Variants in STXBP5L observed in about 807,000 individuals in gnomAD.
STXBP5L encodes the protein syntaxin binding protein 5L.
In STXBP5L, 65 loss-of-function variants were observed where a neutral mutation model predicts 144.5. The ratio of observed to expected loss-of-function variants is 0.45; its 90% CI spans 0.37 to 0.55. The LOEUF is 0.55. Among genes scored for constraint, STXBP5L ranks in the 20% least tolerant of loss-of-function variants. The pLI, the probability that STXBP5L is intolerant of heterozygous loss-of-function variation, is 0.00. For synonymous variants in STXBP5L, 505 were observed against 469.6 expected, an observed-to-expected ratio of 1.08 and a Z score of -0.97; for missense variants, 1,298 against 1,405.5, an observed-to-expected ratio of 0.92 and a Z score of 1.22.
chr3:121,312,665 A>T (rs896479685), intron 19 of STXBP5L, among the ~76,000 whole-genome samples: 2 of 150,802 alleles, frequency 1.3e-5, no homozygotes, highest in Non-Finnish European at 3.0e-5. Context: ...GATGACTCTT[A>T]ACGAGCATGC....
At position 121,204,116 on chromosome 3, in the gene STXBP5L, G is replaced by A. The variant is rs774617269; in HGVS notation, c.878-1807G>A. 3.3e-5 allele frequency among the ~76,000 whole-genome samples: 5 copies of A among 152,120 alleles called. No homozygotes were observed. In the South Asian group the frequency reaches 6.2e-4, roughly 19 times the overall value. Reference sequence around the variant, plus strand: ...TAGCCGGGCATGGTGGCACACACCTGTAGTTCCAGCTACTCGGGAGGCTGA... The same window carrying A: ...TAGCCGGGCATGGTGGCACACACCTATAGTTCCAGCTACTCGGGAGGCTGA... On this transcript the variant is annotated intron_variant, in intron 9 of 26. Transcript: ENST00000471454.
intron 5 of STXBP5L, among the ~76,000 whole-genome samples, chr3:121,094,038 T>G (rs1434892357): frequency 1.3e-4 from 20 of 152,224 alleles, no homozygotes; most frequent in Admixed American, 1.3e-3. Flanking sequence ...TGCCCAGTAG[T>G]CATTCAGGAG....
chr3:121,388,883 A>G (rs2046498773), intron 22 of STXBP5L, among the ~76,000 whole-genome samples: 1 of 152,194 alleles, frequency 6.6e-6, no homozygotes, highest in Non-Finnish European at 1.5e-5. Context: ...AGGCTTTGGT[A>G]TAAGGATGAT....
intron 5 of STXBP5L, among the ~76,000 whole-genome samples, chr3:121,066,448 A>C (rs1309635464): frequency 6.6e-6 from 1 of 151,282 alleles, no homozygotes; most frequent in Non-Finnish European, 1.5e-5. Context: ...ATACTTTCTC[A>C]TGCACCTATT....
intron 9 of STXBP5L, among the ~76,000 whole-genome samples, chr3:121,186,802 C>G (rs567638223): frequency 6.6e-6 from 1 of 152,208 alleles, no homozygotes; most frequent in Admixed American, 6.5e-5. Context: ...AGCCAAAAGA[C>G]ACATGAAAAA....
chr3:121,108,829 A>T (rs1220142094), intron 5 of STXBP5L, among the ~76,000 whole-genome samples: 1 of 152,112 alleles, frequency 6.6e-6, no homozygotes, highest in Non-Finnish European at 1.5e-5. Flanking sequence ...TTCAGCTATA[A>T]ATCAGTCTGG....
chr3:121,047,987 G>A (rs1947642179), intron 5 of STXBP5L, among the ~76,000 whole-genome samples: 1 of 152,102 alleles, frequency 6.6e-6, no homozygotes, highest in Non-Finnish European at 1.5e-5. Context: ...GCTTATAACA[G>A]TCTTTGCTTT....
intron 1 of STXBP5L, among the ~76,000 whole-genome samples, chr3:120,908,630 AGG>A (rs1708658560): frequency 6.7e-6 from 1 of 149,866 alleles, no homozygotes; most frequent in African/African-American, 2.5e-5. Context: ...GGCCTGGGGG[AGG>A]GACAGCGGGA....
chr3:121,046,029 A>T lies in STXBP5L; in HGVS notation c.470+494A>T, dbSNP rs187296471. On this transcript the variant is annotated intron_variant, in intron 5 of 26. Coordinates refer to ENST00000471454, the MANE Select transcript of STXBP5L (RefSeq NM_001308330.2). Reference sequence around the variant, plus strand: ...TCATAGATGGCTCTTCTTATTTTGAAATATGTTCCTTTAATGTCTAGTTTG... The same window carrying T: ...TCATAGATGGCTCTTCTTATTTTGATATATGTTCCTTTAATGTCTAGTTTG... 2.0e-5 allele frequency among the ~76,000 whole-genome samples: 3 copies of T among 152,202 alleles called. No homozygotes were observed. In the East Asian group the frequency reaches 5.8e-4, roughly 29 times the overall value.
At chr3:121,404,151 T>C (rs1180782717) in intron 22 of STXBP5L, among the ~76,000 whole-genome samples, 1 of 152,062 alleles carries the variant, frequency 6.6e-6, no homozygotes, top group African/African-American at 2.4e-5. Context: ...ATTCCTCTCA[T>C]TCCTCTCACA....
chr3:121,049,121 C>T (rs1052633446), intron 5 of STXBP5L, among the ~76,000 whole-genome samples: 1 of 152,004 alleles, frequency 6.6e-6, no homozygotes, highest in African/African-American at 2.4e-5. Context: ...AGACACTGCC[C>T]AGAGAACCAT....
chr3:121,173,001 TA>T (rs200728127), intron 9 of STXBP5L, among the ~76,000 whole-genome samples: 15,149 of 152,050 alleles, frequency 0.1, 950 homozygotes, highest in Non-Finnish European at 0.14. Context: ...TATGCAGCCA[TA>T]AAAAAGGATG....
intron 20 of STXBP5L, among the ~76,000 whole-genome samples, chr3:121,363,704 A>T (rs1325598763): frequency 6.6e-6 from 1 of 152,018 alleles, no homozygotes; most frequent in Non-Finnish European, 1.5e-5. Context: ...TGAAGTTAAA[A>T]CCAGGTGTTA....
intron 19 of STXBP5L, 25 bp from the exon 20 acceptor site, chr3:121,318,449 CT>C (rs1304740965): frequency 6.6e-7 from 1 of 1,523,078 alleles, no homozygotes; most frequent in Admixed American, 2.1e-5. Context: ...CAAAATTTAT[CT>C]CATTTTTTTT....
chr3:121,198,920 A>T (rs894743555), intron 9 of STXBP5L, among the ~76,000 whole-genome samples: 1 of 152,106 alleles, frequency 6.6e-6, no homozygotes, highest in Non-Finnish European at 1.5e-5. Flanking sequence ...AGGTAGCGTG[A>T]TGCTTCCAGC....
At chr3:121,055,846 G>T (rs958715525) in intron 5 of STXBP5L, among the ~76,000 whole-genome samples, 2 of 148,638 alleles carry the variant, frequency 1.3e-5, no homozygotes, top group East Asian at 3.9e-4. Context: ...TATGATGCCT[G>T]ACTAATGTTA....
At chr3:121,027,184 A>G (rs1456970111) in intron 3 of STXBP5L, among the ~76,000 whole-genome samples, 5 of 148,920 alleles carry the variant, frequency 3.4e-5, no homozygotes, top group African/African-American at 1.3e-4. Flanking sequence ...TAAGCACATG[A>G]TCAAAATATG....
chr3:121,021,830 A>G (rs1305082262), intron 3 of STXBP5L, among the ~76,000 whole-genome samples: 1 of 152,172 alleles, frequency 6.6e-6, no homozygotes, highest in East Asian at 1.9e-4. Context: ...GCACAAATAG[A>G]CAATCTAAGG....
At chr3:121,141,107 G>A (rs2045482638) in intron 7 of STXBP5L, among the ~76,000 whole-genome samples, 1 of 152,106 alleles carries the variant, frequency 6.6e-6, no homozygotes, top group African/African-American at 2.4e-5. Context: ...AATAGCAGAA[G>A]GAAGTGTGAA....
Sources: gnomAD v4.1 joint callset for allele counts (sites outside exome capture counted in the v4.1 genomes callset) on GRCh38, gnomAD v4.1.1 for gene constraint, MANE v1.5 for transcripts, NCBI Gene and HGNC (gene_info 2026-07-23, HGNC 2026-07-21) for gene names.